THADA: variants seen among roughly 807,000 people sequenced by gnomAD.
The protein encoded by THADA is THADA armadillo repeat containing, also known as tRNA (32-2'-O)-methyltransferase regulator THADA.
A neutral mutation model predicts 219.8 loss-of-function variants in THADA; 213 were observed. The observed-to-expected ratio is 0.97, with a 90% confidence interval of 0.87 to 1.09. THADA has a LOEUF of 1.09. THADA is among the 50% of genes least tolerant of loss of function. The pLI is 0.00. For synonymous variants in THADA, 1,018 were observed against 828.9 expected (o/e 1.23, Z -3.92); for missense variants, 2,956 against 2,311.3 (o/e 1.28, Z -5.72).
intron 31 of THADA, among the ~76,000 whole-genome samples, chr2:43,300,229 G>C: frequency 6.6e-6 from 1 of 151,298 alleles, no homozygotes; most frequent in African/African-American, 2.4e-5. Context: ...TCCGCCTCCC[G>C]GGTTCAAGCA....
intron 8 of THADA, among the ~76,000 whole-genome samples, chr2:43,580,057 G>C (rs900103292): frequency 1.5e-5 from 2 of 134,228 alleles, no homozygotes; most frequent in Admixed American, 1.6e-4. Context: ...ACGGAGGCTT[G>C]CTCTGTTGCC....
chr2:43,316,930 C>CA (rs1004328477), intron 31 of THADA, among the ~76,000 whole-genome samples: 1 of 151,976 alleles, frequency 6.6e-6, no homozygotes, highest in African/African-American at 2.4e-5. Context: ...TCCATGTCAA[C>CA]AAAAAAATAT....
At chr2:43,347,788 G>A (rs1218257562) in intron 29 of THADA, among the ~76,000 whole-genome samples, 2 of 152,184 alleles carry the variant, frequency 1.3e-5, no homozygotes, top group Non-Finnish European at 1.5e-5. Context: ...TCCTGTGTGC[G>A]CAGAGAACAG....
intron 22 of THADA, among the ~76,000 whole-genome samples, chr2:43,523,176 G>C (rs1692709703): frequency 6.6e-6 from 1 of 151,860 alleles, no homozygotes; most frequent in Non-Finnish European, 1.5e-5. Flanking sequence ...ACCAGCCTAA[G>C]CAACATGGCG....
chr2:43,471,341 T>C (rs1684879150), intron 26 of THADA, among the ~76,000 whole-genome samples: 1 of 152,068 alleles, frequency 6.6e-6, no homozygotes, highest in Admixed American at 6.6e-5. Flanking sequence ...GCCTGGGCAA[T>C]GTAGTGAGAC....
chr2:43,360,654 T>C (rs772615724), intron 29 of THADA, among the ~76,000 whole-genome samples: 1 of 152,216 alleles, frequency 6.6e-6, no homozygotes, highest in Non-Finnish European at 1.5e-5. Context: ...GTTGAGTCGA[T>C]AGCTGAATGA....
intron 31 of THADA, among the ~76,000 whole-genome samples, chr2:43,311,063 C>T (rs1049420205): frequency 6.6e-6 from 1 of 152,022 alleles, no homozygotes; most frequent in African/African-American, 2.4e-5. Context: ...GTAATCCCAG[C>T]TACTTGGGAG....
chr2:43,584,104 C>T (rs1030237045), intron 7 of THADA, among the ~76,000 whole-genome samples: 1 of 142,786 alleles, frequency 7.0e-6, no homozygotes, highest in African/African-American at 2.6e-5. Context: ...ACAAATCCTA[C>T]ATGATTCATA....
chr2:43,441,197 C>T (rs1349054407), intron 26 of THADA, among the ~76,000 whole-genome samples: 1 of 152,114 alleles, frequency 6.6e-6, no homozygotes, highest in African/African-American at 2.4e-5. Context: ...AAATTTCAAC[C>T]TTGTTCAAGC....
intron 29 of THADA, among the ~76,000 whole-genome samples, chr2:43,356,182 A>C (rs1668853972): frequency 6.6e-6 from 1 of 152,320 alleles, no homozygotes; most frequent in East Asian, 1.9e-4. Context: ...TAGTGAAAAC[A>C]TTGATTCATT....
At chr2:43,303,389 TGAAA>T (rs997116900) in intron 31 of THADA, among the ~76,000 whole-genome samples, 41 of 152,242 alleles carry the variant, frequency 2.7e-4, no homozygotes, top group Non-Finnish European at 4.7e-4. Context: ...GACAGGCTGC[TGAAA>T]GAGGATTTAA....
intron 30 of THADA, among the ~76,000 whole-genome samples, chr2:43,339,773 G>A (rs1301765827): frequency 6.6e-6 from 1 of 152,046 alleles, no homozygotes; most frequent in Non-Finnish European, 1.5e-5. Flanking sequence ...AAGCGATCTA[G>A]CTGGGACAGC....
chr2:43,385,433 C>T (rs537604602), intron 29 of THADA, among the ~76,000 whole-genome samples: 67 of 151,706 alleles, frequency 4.4e-4, no homozygotes, highest in Admixed American at 1.5e-3. Context: ...GGTGAAACCC[C>T]GTCTCTACTA....
intron 28 of THADA, among the ~76,000 whole-genome samples, chr2:43,421,997 C>T (rs1396343467): frequency 6.6e-6 from 1 of 152,230 alleles, no homozygotes; most frequent in South Asian, 2.1e-4. Flanking sequence ...TCAGAATCCA[C>T]AGCTGAGTTG....
intron 28 of THADA, among the ~76,000 whole-genome samples, chr2:43,410,625 CA>C (rs1382135619): frequency 6.6e-6 from 1 of 151,472 alleles, no homozygotes; most frequent in Non-Finnish European, 1.5e-5. Flanking sequence ...GTGAAAAAGC[CA>C]GACAAAATAG....
intron 26 of THADA, among the ~76,000 whole-genome samples, chr2:43,457,050 A>G (rs189973008): frequency 3.3e-5 from 5 of 151,868 alleles, no homozygotes; most frequent in South Asian, 2.1e-4. Context: ...GTGTGTGTGC[A>G]CACACGTGCC....
At chr2:43,481,438 A>C (rs1257933153) in intron 26 of THADA, among the ~76,000 whole-genome samples, 4 of 152,186 alleles carry the variant, frequency 2.6e-5, no homozygotes, top group African/African-American at 4.8e-5. Flanking sequence ...ACAGTAAACA[A>C]AACTATTATT....
intron 29 of THADA, among the ~76,000 whole-genome samples, chr2:43,346,963 C>T (rs1365230526): frequency 6.6e-6 from 1 of 152,188 alleles, no homozygotes; most frequent in African/African-American, 2.4e-5. Context: ...CCTATATTCA[C>T]TCCTTTAGGA....
chr2:43,444,524 G>A (rs73925513), intron 26 of THADA, among the ~76,000 whole-genome samples: 52 of 152,214 alleles, frequency 3.4e-4, no homozygotes, highest in African/African-American at 1.3e-3. Flanking sequence ...TGGCCATTTT[G>A]GTAGGCTTTT....
Sources: gnomAD v4.1 joint callset for allele counts (sites outside exome capture counted in the v4.1 genomes callset) on GRCh38, gnomAD v4.1.1 for gene constraint, MANE v1.5 for transcripts, NCBI Gene and HGNC (gene_info 2026-07-23, HGNC 2026-07-21) for gene names.